Variants in GRM7 observed in about 807,000 individuals in gnomAD.
The protein encoded by GRM7 is metabotropic glutamate receptor 7.
GRM7 carries 35 observed loss-of-function variants against 84.5 expected under a neutral mutation model. The ratio of observed to expected loss-of-function variants is 0.41; its 90% CI spans 0.32 to 0.55. The LOEUF is 0.55. Among genes scored for constraint, GRM7 ranks in the 20% least tolerant of loss-of-function variants. The pLI, the probability that GRM7 is intolerant of heterozygous loss-of-function variation, is 0.19. For synonymous variants in GRM7, 487 were observed against 455.1 expected (o/e 1.07, Z -0.89); for missense variants, 1,003 against 1,194.6 (o/e 0.84, Z 2.36).
At chr3:7,068,295 G>A (rs1248758973) in intron 1 of GRM7, among the ~76,000 whole-genome samples, 2 of 151,982 alleles carry the variant, frequency 1.3e-5, no homozygotes, top group African/African-American at 4.8e-5. Context: ...ATACTTCTAT[G>A]ATGTGAATTA....
At chr3:7,334,687 T>C (rs1188814047) in intron 4 of GRM7, among the ~76,000 whole-genome samples, 2 of 151,998 alleles carry the variant, frequency 1.3e-5, no homozygotes, top group Admixed American at 1.3e-4. Flanking sequence ...ATCTAGCACA[T>C]AAGGACTCAC....
At chr3:7,369,032 C>G (rs1484945141) in intron 4 of GRM7, among the ~76,000 whole-genome samples, 2 of 151,976 alleles carry the variant, frequency 1.3e-5, no homozygotes, top group East Asian at 3.9e-4. Context: ...TTCTCCCTTT[C>G]TATGGCACAT....
intron 1 of GRM7, among the ~76,000 whole-genome samples, chr3:6,911,859 T>C (rs1696781388): frequency 6.6e-6 from 1 of 152,214 alleles, no homozygotes; most frequent in African/African-American, 2.4e-5. Context: ...GGAATTGATA[T>C]GAAGCTAAGA....
chr3:7,304,013 C>T (rs1313807137), intron 3 of GRM7, among the ~76,000 whole-genome samples: 3 of 151,662 alleles, frequency 2.0e-5, no homozygotes, highest in East Asian at 3.9e-4. Flanking sequence ...CTGCCTCTAC[C>T]CTTAATTAGT....
chr3:6,921,652 C>T (rs1219489602), intron 1 of GRM7, among the ~76,000 whole-genome samples: 3 of 152,108 alleles, frequency 2.0e-5, no homozygotes, highest in East Asian at 3.9e-4. Context: ...CACTGTGTTG[C>T]TTTCCATACT....
chr3:7,076,445 G>C (rs1347602259), intron 1 of GRM7, among the ~76,000 whole-genome samples: 1 of 152,120 alleles, frequency 6.6e-6, no homozygotes, highest in Non-Finnish European at 1.5e-5. Context: ...TTTATAAGTG[G>C]AAGTTTTTCC....
chr3:7,271,678 T>C lies in GRM7; in HGVS notation c.737-27006T>C, dbSNP rs183235473. On this transcript the variant is annotated intron_variant, in intron 2 of 9. Transcript: ENST00000357716. ...AGCTGATTCCTCTGCATTTTAAAGT[T>C]CAATAAAAACTCCTCTCTTTGTCAG... is the stretch of plus-strand genomic sequence containing the variant. Among the ~76,000 whole-genome samples the C allele has an allele frequency of 1.7e-3, 255 of 151,946 alleles. 2 individuals are homozygous for C. Among genetic ancestry groups the C allele is most frequent in the Admixed American group, 6.6e-3 (101 of 15,276 alleles).
At chr3:7,615,938 T>C (rs1334083443) in intron 8 of GRM7, among the ~76,000 whole-genome samples, 1 of 151,990 alleles carries the variant, frequency 6.6e-6, no homozygotes, top group East Asian at 1.9e-4. Context: ...CTTGAATACT[T>C]ATAAGTGTAT....
chr3:7,723,375 T>G (rs1421549525), intron 9 of GRM7, among the ~76,000 whole-genome samples: 1 of 152,158 alleles, frequency 6.6e-6, no homozygotes, highest in Non-Finnish European at 1.5e-5. Flanking sequence ...GTAAGACCCC[T>G]GCTAAATTCT....
chr3:7,554,274 A>T (rs942397651), intron 7 of GRM7, among the ~76,000 whole-genome samples: 5 of 152,216 alleles, frequency 3.3e-5, no homozygotes, highest in Non-Finnish European at 7.3e-5. Flanking sequence ...AAGTAGCCAC[A>T]TCACACTGGG....
chr3:7,446,942 G>T (rs1697541278), intron 5 of GRM7, among the ~76,000 whole-genome samples: 1 of 152,114 alleles, frequency 6.6e-6, no homozygotes, highest in African/African-American at 2.4e-5. Context: ...ATGACCATTA[G>T]AAATTCTGAG....
intron 2 of GRM7, among the ~76,000 whole-genome samples, chr3:7,293,579 T>A (rs1009734726): frequency 6.6e-6 from 1 of 152,192 alleles, no homozygotes; most frequent in Non-Finnish European, 1.5e-5. Context: ...GAAGTGTGAA[T>A]TAATTTGGCA....
intron 1 of GRM7, among the ~76,000 whole-genome samples, chr3:7,145,940 A>G (rs1224455780): frequency 6.6e-6 from 1 of 152,196 alleles, no homozygotes; most frequent in Non-Finnish European, 1.5e-5. Context: ...TGTTCTTGTG[A>G]AGAATAAATT....
intron 7 of GRM7, among the ~76,000 whole-genome samples, chr3:7,535,064 T>A (rs1038561008): frequency 1.3e-5 from 2 of 152,168 alleles, no homozygotes; most frequent in African/African-American, 4.8e-5. Flanking sequence ...CATCCAGAAA[T>A]GACTATGCAC....
intron 3 of GRM7, among the ~76,000 whole-genome samples, chr3:7,303,415 G>A (rs796242008): frequency 2.0e-5 from 3 of 152,114 alleles, no homozygotes; most frequent in African/African-American, 4.8e-5. Flanking sequence ...TCTGCATAAT[G>A]TGTACGTGTT....
chr3:7,562,241 G>A (rs1412834423), intron 7 of GRM7, among the ~76,000 whole-genome samples: 1 of 151,932 alleles, frequency 6.6e-6, no homozygotes, highest in Non-Finnish European at 1.5e-5. Flanking sequence ...TTGAGCTGGA[G>A]AAACAGTATG....
chr3:7,544,383 TG>T (rs777378773), intron 7 of GRM7, among the ~76,000 whole-genome samples: 1 of 152,126 alleles, frequency 6.6e-6, no homozygotes, highest in Non-Finnish European at 1.5e-5. Context: ...CTCAAATTCC[TG>T]GCTTCAAGTC....
intron 9 of GRM7, among the ~76,000 whole-genome samples, chr3:7,740,089 C>A (rs1167539799): frequency 6.6e-6 from 1 of 152,094 alleles, no homozygotes; most frequent in African/African-American, 2.4e-5. Context: ...AGCATAACAA[C>A]CACTGATAAA....
chr3:7,227,443 C>T (rs1466611461), intron 2 of GRM7, among the ~76,000 whole-genome samples: 1 of 152,296 alleles, frequency 6.6e-6, no homozygotes, highest in East Asian at 1.9e-4. Context: ...TATTGTACCG[C>T]AGAAGGTAGC....
Sources: allele counts gnomAD v4.1 joint callset (sites outside exome capture counted in the v4.1 genomes callset), GRCh38; gene constraint gnomAD v4.1.1; transcripts MANE v1.5; gene names NCBI Gene and HGNC (gene_info 2026-07-23, HGNC 2026-07-21).